SHLD1: variants seen among roughly 807,000 people sequenced by gnomAD.
SHLD1 encodes the protein shieldin complex subunit 1, also known as RINN1-REV7-interacting novel NHEJ regulator 3.
A neutral mutation model predicts 5.5 loss-of-function variants in SHLD1; 3 were observed. The ratio of observed to expected loss-of-function variants is 0.54; its 90% CI spans 0.25 to 1.40. SHLD1 has a LOEUF of 1.40. Among genes scored for constraint, SHLD1 ranks in the 40% most tolerant of loss-of-function variants. The probability of loss-of-function intolerance (pLI) is 0.15; values close to 1 mark genes in which losing one functional copy is unlikely to be tolerated. For missense variants in SHLD1, 210 were observed against 244.4 expected (o/e 0.86, Z 0.94); for synonymous variants, 92 against 94.3 (o/e 0.98, Z 0.14).
chr20:5,855,006 C>G lies in SHLD1; in HGVS notation c.179-8018C>G, dbSNP rs183804836. Reference sequence around the variant, plus strand: ...CTCCCACCTCAGCCTCCCAAGTAGCCGGGACTACAGGCATGAACCACCATG... The same window carrying G: ...CTCCCACCTCAGCCTCCCAAGTAGCGGGGACTACAGGCATGAACCACCATG... On this transcript the variant is annotated intron_variant, in intron 2 of 2. Transcript: ENST00000303142. The surrounding 1 kb of genome is among the most constrained non-coding windows in gnomAD (Gnocchi z 4.4). 8.3e-4 allele frequency among the ~76,000 whole-genome samples: 126 copies of G among 151,850 alleles called. No homozygotes were observed. Among genetic ancestry groups the G allele is most frequent in the African/African-American group, 2.7e-3 (110 of 41,410 alleles).
chr20:5,752,617 T>TC (rs34054431), intron 1 of SHLD1, among the ~76,000 whole-genome samples: 1 of 145,370 alleles, frequency 6.9e-6, no homozygotes, highest in Admixed American at 6.9e-5. Flanking sequence ...ATTTTGGGGT[T>TC]TTTTTTTTTT....
intron 2 of SHLD1, among the ~76,000 whole-genome samples, chr20:5,827,837 A>C (rs1359274856): frequency 1.3e-5 from 2 of 152,194 alleles, no homozygotes; most frequent in Non-Finnish European, 2.9e-5. Context: ...GGTGCACTTC[A>C]TGCTGTGGTC....
chr20:5,797,620 G>A (rs2087231772), intron 2 of SHLD1, among the ~76,000 whole-genome samples: 1 of 152,164 alleles, frequency 6.6e-6, no homozygotes, highest in Admixed American at 6.5e-5. Flanking sequence ...CCAGCACACT[G>A]TCCCTACTTA....
intron 2 of SHLD1, among the ~76,000 whole-genome samples, chr20:5,815,857 G>A (rs1008950545): frequency 2.0e-5 from 3 of 152,176 alleles, no homozygotes; most frequent in Non-Finnish European, 4.4e-5. Flanking sequence ...ATGATGGGCT[G>A]ATTGCTTGAG....
intron 1 of SHLD1, among the ~76,000 whole-genome samples, chr20:5,757,666 C>T (rs895052689): frequency 2.0e-5 from 3 of 151,964 alleles, no homozygotes; most frequent in Non-Finnish European, 4.4e-5. Flanking sequence ...GCAGTGGCAC[C>T]AACTCTGCTC....
rs913512743 is a variant in SHLD1, at chr20:5,843,799, A to G, written c.179-19225A>G. ...CCATATTCTTTTGTCAAAAATAAGT[A>G]ACTATTTCTGTGACCACACTAGAGG... On this transcript the variant is annotated intron_variant, in intron 2 of 2. Transcript: ENST00000303142. Among the ~76,000 whole-genome samples the G allele has an allele frequency of 9.2e-5, 14 of 152,342 alleles. No individual in the cohort carries two copies. The Middle Eastern group carries it at 0.01, about 111-fold the overall frequency.
At chr20:5,788,527 G>T (rs1600122858) in intron 2 of SHLD1, among the ~76,000 whole-genome samples, 1 of 152,208 alleles carries the variant, frequency 6.6e-6, no homozygotes, top group East Asian at 1.9e-4. Context: ...CTATCAGACA[G>T]TGTTTGAGTC....
Position 5,778,576 on chromosome 20 carries a change from C to T in SHLD1, c.178+5533C>T, listed in dbSNP as rs544451504. ...GAGCCATGATCGTGCTACTGCACCC[C>T]AACCTGGGCGACAGAGCAAGACCTT... is the stretch of plus-strand genomic sequence containing the variant. On this transcript the variant is annotated intron_variant, in intron 2 of 2. Transcript: ENST00000303142. Among the ~76,000 whole-genome samples the T allele has an allele frequency of 6.3e-5, 9 of 142,756 alleles. No homozygotes were observed. The South Asian group carries it at 1.8e-3, about 28-fold the overall frequency. 93.7% of individuals were successfully genotyped at this position (142,756 alleles called of 152,430 possible).
chr20:5,854,872 C>CTTTTTTTTTTTTTT lies in SHLD1; in HGVS notation c.179-8140_179-8139insTTTTTTTTTTTTTT, dbSNP rs55776293. Among the ~76,000 whole-genome samples, 707 of 129,852 alleles carry CTTTTTTTTTTTTTT rather than the reference C, an allele frequency of 5.4e-3. 29 individuals are homozygous for CTTTTTTTTTTTTTT. Among genetic ancestry groups the CTTTTTTTTTTTTTT allele is most frequent in the African/African-American group, 0.017 (534 of 30,588 alleles). 85.2% of individuals were successfully genotyped at this position (129,852 alleles called of 152,430 possible). A position where few individuals can be genotyped will look rare whatever the true frequency, so the allele number is the denominator to read the frequency against. On this transcript the variant is annotated intron_variant, in intron 2 of 2. Transcript: ENST00000303142. ...CATTCTGTTTTCTGTCTCTATGACT[C>CTTTTTTTTTTTTTT]TTTTTTTTTTTTAAGAGACAGGTCT...
chr20:5,820,539 C>G (rs1167122543), intron 2 of SHLD1, among the ~76,000 whole-genome samples: 1 of 152,140 alleles, frequency 6.6e-6, no homozygotes, highest in Non-Finnish European at 1.5e-5. Flanking sequence ...AAACCAGCCT[C>G]CAAGATGTTC....
chr20:5,766,193 G>A (rs1383681498), intron 1 of SHLD1, among the ~76,000 whole-genome samples: 1 of 152,102 alleles, frequency 6.6e-6, no homozygotes, highest in African/African-American at 2.4e-5. Context: ...AAGGGAGAAG[G>A]GGGAGGACAG....
intron 2 of SHLD1, among the ~76,000 whole-genome samples, chr20:5,819,202 C>G (rs2122405075): frequency 1.3e-5 from 2 of 152,174 alleles, no homozygotes; most frequent in South Asian, 4.1e-4. Flanking sequence ...TCGGTCTGAG[C>G]ACTTAGGTTC....
chr20:5,790,459 T>G (rs1360572564), intron 2 of SHLD1, among the ~76,000 whole-genome samples: 1 of 149,692 alleles, frequency 6.7e-6, no homozygotes, highest in African/African-American at 2.5e-5. Flanking sequence ...TTCTTTTTTT[T>G]TTTTTTTTTT....
At position 5,863,135 on chromosome 20, in the gene SHLD1, A is replaced by T. The variant is rs1402812036; in HGVS notation, c.290A>T (p.Lys97Ile). The T allele has an allele frequency of 6.2e-7, 1 of 1,614,158 alleles. No individual in the cohort carries two copies. The highest frequency in any genetic ancestry group is 2.2e-5 in the East Asian group (1 of 44,882). Reference sequence around the variant, plus strand: ...AAGGAAGAGGATGATGGCCTTCGGAAATCCCTGGATAGATTCTATGAAATG... The same window carrying T: ...AAGGAAGAGGATGATGGCCTTCGGATATCCCTGGATAGATTCTATGAAATG... ...SEKEEDDGLRKSLDRFYEMFG... is the reference protein window; with the variant it reads ...SEKEEDDGLRISLDRFYEMFG... Residue 97 changes from lysine to isoleucine, a missense_variant, in exon 3 of 3, where the codon AAA becomes ATA. Coordinates refer to ENST00000303142, the MANE Select transcript of SHLD1 (RefSeq NM_152504.4).
chr20:5,775,484 T>C (rs73894031), intron 2 of SHLD1, among the ~76,000 whole-genome samples: 237 of 152,322 alleles, frequency 1.6e-3, no homozygotes, highest in African/African-American at 5.5e-3. Flanking sequence ...CTGTTATTAA[T>C]TGGAATTGGT....
At chr20:5,750,344 G>C (rs945427653), upstream of SHLD1, 1 of 152,004 alleles carries the variant, frequency 6.6e-6, no homozygotes, top group Admixed American at 6.6e-5. Context: ...GGATGGCTCC[G>C]GTGACTTCCT....
At chr20:5,840,089 G>A (rs2087840029) in intron 2 of SHLD1, among the ~76,000 whole-genome samples, 1 of 152,184 alleles carries the variant, frequency 6.6e-6, no homozygotes, top group Non-Finnish European at 1.5e-5. Flanking sequence ...GCAAAAGTAT[G>A]TATGACTAGA....
intron 2 of SHLD1, among the ~76,000 whole-genome samples, chr20:5,786,204 C>T (rs1246821823): frequency 6.6e-6 from 1 of 152,164 alleles, no homozygotes; most frequent in Non-Finnish European, 1.5e-5. Flanking sequence ...ACCAGAACCC[C>T]CTTTCTCCAA....
At chr20:5,779,128 G>A (rs190013667) in intron 2 of SHLD1, among the ~76,000 whole-genome samples, 3 of 152,066 alleles carry the variant, frequency 2.0e-5, no homozygotes, top group Admixed American at 1.3e-4. Flanking sequence ...CTTGAACCTG[G>A]GAGGTGGAGG....
Sources: allele counts gnomAD v4.1 joint callset (sites outside exome capture counted in the v4.1 genomes callset), GRCh38; gene constraint gnomAD v4.1.1; non-coding constraint Gnocchi (gnomAD v3.1); transcripts MANE v1.5; gene names NCBI Gene and HGNC (gene_info 2026-07-23, HGNC 2026-07-21).